Variants in LZTR1 observed in about 807,000 individuals in gnomAD.
LZTR1 encodes the protein leucine-zipper-like transcriptional regulator 1.
LZTR1 carries 260 observed loss-of-function variants against 105.7 expected under a neutral mutation model. The observed-to-expected ratio is 2.46, with a 90% CI of 2.22 to 2.72. The LOEUF is 2.72. Among genes scored for constraint, LZTR1 ranks in the 30% most tolerant of loss-of-function variants. The pLI is 0.00. For synonymous variants in LZTR1, 490 were observed against 476.4 expected (o/e 1.03, Z -0.37); for missense variants, 1,214 against 1,166.9 (o/e 1.04, Z -0.59).
Position 20,995,471 on chromosome 22 carries a change from G to T in LZTR1, c.1943-275G>T, listed in dbSNP as rs570315623. ...GAGGCCATGCAGTGGGCCTGGAGGG[G>T]GCTTGATCATGAGGTCAGCGAGGGG... On this transcript the variant is annotated intron_variant, in intron 16 of 20. Transcript: ENST00000646124. 213 of 654,222 alleles carry T rather than the reference G, an allele frequency of 3.3e-4. 1 individual carries two copies. In the African/African-American group the frequency reaches 3.7e-3, roughly 11 times the overall value. 40.5% of individuals were successfully genotyped at this position (654,222 alleles called of 1,614,324 possible).
intron 2 of LZTR1, among the ~76,000 whole-genome samples, chr22:20,984,616 G>GAC (rs1569153426): frequency 2.9e-5 from 1 of 33,998 alleles, no homozygotes; most frequent in African/African-American, 6.0e-5. Context: ...AGTAAGGAGG[G>GAC]GGGGGGGGCG....
chr22:20,996,091 A>G lies in LZTR1; in HGVS notation c.2198A>G (p.Asn733Ser), dbSNP rs1924835449. The change falls in exon 18 of 21, where the codon AAC becomes AGC. Residue 733 changes from asparagine to serine, a missense_variant. Coordinates refer to ENST00000646124, the MANE Select transcript of LZTR1 (RefSeq NM_006767.4). The part of the protein sequence containing the change: ...MLRYIYYGEV[N>S]MPPEDSLYLF... The stretch of plus-strand genomic sequence containing the variant: ...CGCTACATCTACTACGGCGAGGTCA[A>G]CATGCCGCCCGAGGACTCGCTGCAT... 1.2e-6 allele frequency: 2 copies of G among 1,612,884 alleles called. No individual in the cohort carries two copies. Among genetic ancestry groups the G allele is most frequent in the Admixed American group, 1.7e-5 (1 of 60,000 alleles).
chr22:20,988,127 C>G lies in LZTR1; in HGVS notation c.509+9C>G. ...TGGAAAATTGAAGGACGGTGAGAAACTTTGCAGAAACATTTGGGACAGGCT... is the reference window on the plus strand; with the variant it reads ...TGGAAAATTGAAGGACGGTGAGAAAGTTTGCAGAAACATTTGGGACAGGCT... On this transcript the variant is annotated intron_variant, in intron 5 of 20. Coordinates refer to ENST00000646124, the MANE Select transcript of LZTR1 (RefSeq NM_006767.4). 6.3e-7 allele frequency: 1 copy of G among 1,578,254 alleles called. No homozygotes were observed. Among genetic ancestry groups the G allele is most frequent in the Non-Finnish European group, 8.7e-7 (1 of 1,147,654 alleles).
Position 20,995,960 on chromosome 22 carries a change from C to G in LZTR1, c.2070-3C>G. On this transcript the variant is annotated splice_polypyrimidine_tract_variant and splice_region_variant and intron_variant, in intron 17 of 20. Transcript: ENST00000646124. ...CCAGGTGCCTACCGCTCGTTGTCTG[C>G]AGCTACTTTGAAGCCATGTTCCGGT... 1.9e-6 allele frequency: 3 copies of G among 1,613,690 alleles called. No individual in the cohort carries two copies. Among genetic ancestry groups the G allele is most frequent in the Non-Finnish European group, 2.5e-6 (3 of 1,180,020 alleles).
rs8140168 is a variant in LZTR1, at chr22:20,982,855, C to A, written c.201-172C>A. ...TGAGGAGTCCAGAGAGTCCTGGAGC[C>A]GTGTCAGGGGTCCTCACTTGCAGGA... On this transcript the variant is annotated intron_variant, in intron 1 of 20. Transcript: ENST00000646124. 0.02 allele frequency among the ~76,000 whole-genome samples: 3,114 copies of A among 152,218 alleles called. 107 individuals carry two copies. Among genetic ancestry groups the A allele is most frequent in the African/African-American group, 0.072 (2,989 of 41,514 alleles).
At chr22:20,993,113 G>A (rs1269562599) in intron 11 of LZTR1, among the ~76,000 whole-genome samples, 3 of 152,254 alleles carry the variant, frequency 2.0e-5, no homozygotes, top group African/African-American at 7.2e-5. Context: ...CAGGCAGATG[G>A]TGCTGGGGCT....
intron 8 of LZTR1, chr22:20,991,407 C>A: frequency 1.8e-6 from 1 of 568,766 alleles, no homozygotes; most frequent in Non-Finnish European, 3.1e-6. Context: ...GGAGCTCTGG[C>A]AGGACCCTGC....
In LZTR1 at chr22:20,994,553, CG is replaced by C. The variant is rs776508077; in HGVS notation, c.1616-4del. 4 of 1,607,520 alleles carry C rather than the reference CG, an allele frequency of 2.5e-6. No homozygotes were observed. The highest frequency in any genetic ancestry group is 3.4e-6 in the Non-Finnish European group (4 of 1,179,120). ...TCCCTGAGATTCGGGGGCTCTGGGG[CG>C]CAGGCCATGTGGAGGATGTGCTGCT... On this transcript the variant is annotated splice_region_variant and splice_polypyrimidine_tract_variant and intron_variant, in intron 14 of 20. Transcript: ENST00000646124.
Position 20,993,978 on chromosome 22 carries a change from C to G in LZTR1, c.1408C>G (p.Leu470Val). Residue 470 changes from leucine to valine, a missense_variant, in exon 13 of 21, where the codon CTT (leucine) becomes GTT (valine). Leu to Val is a conservative substitution (Grantham distance 32). Transcript: ENST00000646124. ...CATTGTCACAGCGCGGAGCCGCTGGCTTCGCAGGAAGATCACGCAGGCGCG... is the reference window on the plus strand; with the variant it reads ...CATTGTCACAGCGCGGAGCCGCTGGGTTCGCAGGAAGATCACGCAGGCGCG... ...VAIVTARSRWLRRKITQARER... is the reference protein window; with the variant it reads ...VAIVTARSRWVRRKITQARER... The G allele has an allele frequency of 6.2e-7, 1 of 1,612,444 alleles. No homozygotes were observed. Among genetic ancestry groups the G allele is most frequent in the East Asian group, 2.2e-5 (1 of 44,860 alleles).
chr22:20,995,560 G>A (rs1302126980), intron 16 of LZTR1, 186 bp from the exon 17 acceptor site: 14 of 760,958 alleles, frequency 1.8e-5, no homozygotes, highest in Non-Finnish European at 3.0e-5. Context: ...CATAGTGCTT[G>A]AGTCGGCCAG....
chr22:20,985,739 C>T, intron 2 of LZTR1, 102 bp from the exon 3 acceptor site: 3 of 1,106,084 alleles, frequency 2.7e-6, no homozygotes, highest in Non-Finnish European at 4.1e-6. Context: ...ACCCAGCCCA[C>T]AACAGCCCCC....
chr22:20,991,503 T>C, intron 8 of LZTR1, 125 bp from the exon 9 acceptor site: 2 of 753,024 alleles, frequency 2.7e-6, no homozygotes, highest in Non-Finnish European at 4.3e-6. Context: ...GCCCTCCCTC[T>C]GGACCCTGGG....
rs1408575907 is a variant in LZTR1, at chr22:20,992,907, G to T, written c.1260+3G>T. Reference sequence around the variant, plus strand: ...GCGGGGAGATGTACAGGTTCCAGGTGTGGGGCCTGTGGGCCTGTAGAGCCG... The same window carrying T: ...GCGGGGAGATGTACAGGTTCCAGGTTTGGGGCCTGTGGGCCTGTAGAGCCG... On this transcript the variant is annotated splice_donor_region_variant and intron_variant, in intron 11 of 20. Coordinates refer to ENST00000646124, the MANE Select transcript of LZTR1 (RefSeq NM_006767.4). 1 of 1,571,378 alleles carries T rather than the reference G, an allele frequency of 6.4e-7. No individual in the cohort carries two copies. The highest frequency in any genetic ancestry group is 8.7e-7 in the Non-Finnish European group (1 of 1,150,816).
chr22:20,990,342 C>G (rs775680347), intron 7 of LZTR1, 44 bp from the exon 8 acceptor site: 1 of 1,610,706 alleles, frequency 6.2e-7, no homozygotes, highest in South Asian at 1.1e-5. Context: ...GAAATGTGAG[C>G]GGGCCCTGTG....
intron 3 of LZTR1, 66 bp from the exon 4 acceptor site, chr22:20,987,438 C>A: frequency 1.1e-6 from 1 of 894,782 alleles, no homozygotes; most frequent in Admixed American, 1.8e-5. Flanking sequence ...TGCAGGGCCA[C>A]CCTGTGGGGG....
chr22:20,992,528 G>T, intron 10 of LZTR1, 159 bp downstream of exon 10: 1 of 878,372 alleles, frequency 1.1e-6, no homozygotes, highest in Non-Finnish European at 1.7e-6. Flanking sequence ...CTGCTGGCCA[G>T]GCTGCAGCTT....
intron 5 of LZTR1, among the ~76,000 whole-genome samples, chr22:20,988,542 T>C (rs1924484360): frequency 6.6e-6 from 1 of 152,200 alleles, no homozygotes; most frequent in Admixed American, 6.5e-5. Flanking sequence ...GCACCCCCTT[T>C]GATATTTTGG....
chr22:20,988,044 C>A lies in LZTR1; in HGVS notation c.435C>A (p.Asn145Lys). ...GYTGDIYSNS[N>K]LKNKNDLFEY... is the part of the protein sequence containing the mutation. ...CTGGGGACATTTATTCCAATTCTAACTTGAAGAATAAAAACGACCTCTTTG... is the reference window on the plus strand; with the variant it reads ...CTGGGGACATTTATTCCAATTCTAAATTGAAGAATAAAAACGACCTCTTTG... The change falls in exon 5 of 21, where the codon AAC becomes AAA. Residue 145 changes from asparagine (N) to lysine (K), a missense_variant. Physicochemically the swap from Asn to Lys is moderately conservative, Grantham distance 94 (BLOSUM62 0). Transcript: ENST00000646124. The A allele has an allele frequency of 6.2e-7, 1 of 1,612,242 alleles. No homozygotes were observed. The highest frequency in any genetic ancestry group is 8.5e-7 in the Non-Finnish European group (1 of 1,178,284).
At chr22:20,988,163 T>G (rs966944626) in intron 5 of LZTR1, 45 bp downstream of exon 5, 2 of 1,310,066 alleles carry the variant, frequency 1.5e-6, no homozygotes, top group Non-Finnish European at 2.2e-6. Context: ...GGGTCCTGGG[T>G]GGCATTGGAC....
Sources: gnomAD v4.1 joint callset for allele counts (sites outside exome capture counted in the v4.1 genomes callset) on GRCh38, gnomAD v4.1.1 for gene constraint, MANE v1.5 for transcripts, NCBI Gene and HGNC (gene_info 2026-07-23, HGNC 2026-07-21) for gene names.